The following RAD9B variants were observed in gnomAD, a reference collection of about 807,000 sequenced individuals.
RAD9B encodes RAD9 checkpoint clamp component B, also known as cell cycle checkpoint control protein RAD9B.
In RAD9B, 41 loss-of-function variants were observed where a neutral mutation model predicts 48.3. The observed-to-expected ratio is 0.85, with a 90% CI of 0.66 to 1.10. The LOEUF is 1.10. RAD9B is among the 50% of genes least tolerant of loss of function. RAD9B has a pLI of 0.00. For missense variants in RAD9B, 444 were observed against 485.1 expected (o/e 0.92, Z 0.80); for synonymous variants, 160 against 157.9 (o/e 1.01, Z -0.10).
At chr12:110,507,032 G>A (rs777311812) in intron 4 of RAD9B, among the ~76,000 whole-genome samples, 1 of 151,874 alleles carries the variant, frequency 6.6e-6, no homozygotes, top group African/African-American at 2.4e-5. Flanking sequence ...TAGAGACGGG[G>A]TTTCACCGTG....
At chr12:110,529,364 C>T (rs1195894736) in intron 10 of RAD9B, among the ~76,000 whole-genome samples, 4 of 152,046 alleles carry the variant, frequency 2.6e-5, no homozygotes, top group Admixed American at 2.0e-4. Context: ...AGGCTGGTCT[C>T]GATCTCCTGA....
chr12:110,514,980 C>A (rs2063564967), intron 5 of RAD9B, 70 bp from the exon 6 acceptor site: 2 of 886,866 alleles, frequency 2.3e-6, no homozygotes, highest in African/African-American at 1.7e-5. Context: ...AGATTTGAGT[C>A]CCAGTTAATA....
In RAD9B at chr12:110,530,495, T is replaced by C. The variant is rs781111582; in HGVS notation, c.1126-30T>C. 4 of 1,610,578 alleles carry C rather than the reference T, an allele frequency of 2.5e-6. No homozygotes were observed. In the South Asian group the frequency reaches 3.3e-5, roughly 13 times the overall value. Reference sequence around the variant, plus strand: ...TAATGAGCAAACTTTCTCTTTGGAATCAACAATGCAGTTCCTTTTTTCCCT... The same window carrying C: ...TAATGAGCAAACTTTCTCTTTGGAACCAACAATGCAGTTCCTTTTTTCCCT... On this transcript the variant is annotated intron_variant, in intron 10 of 10. Transcript: ENST00000409300.
intron 10 of RAD9B, among the ~76,000 whole-genome samples, chr12:110,526,843 A>G (rs1203776644): frequency 6.6e-6 from 1 of 150,800 alleles, no homozygotes. Context: ...CAGGAGGCGG[A>G]GCTTGCAGTG....
chr12:110,502,412 T>C, intron 1 of RAD9B, 29 bp downstream of exon 1: 1 of 1,612,102 alleles, frequency 6.2e-7, no homozygotes, highest in Non-Finnish European at 8.5e-7. Context: ...TCTTCCCATT[T>C]AGCAGAGAGA....
At chr12:110,524,308 A>G (rs1471195038) in intron 10 of RAD9B, among the ~76,000 whole-genome samples, 2 of 152,236 alleles carry the variant, frequency 1.3e-5, no homozygotes, top group Non-Finnish European at 2.9e-5. Context: ...CATGCCTGTA[A>G]TCCCAGCACT....
In RAD9B at chr12:110,531,719, G is replaced by A. The variant is rs754710718; in HGVS notation, c.*1066G>A. 7.6e-6 allele frequency: 10 copies of A among 1,318,870 alleles called. No individual in the cohort carries two copies. Among genetic ancestry groups the A allele is most frequent in the Non-Finnish European group, 1.1e-5 (10 of 949,816 alleles). The allele number at this position is 1,318,870 out of a possible 1,614,324, so 81.7% of individuals were successfully genotyped here. A position where few individuals can be genotyped will look rare whatever the true frequency, so the allele number is the denominator to read the frequency against. ...ATGTCTCTGTTCTTTGGCCCTTTAA[G>A]AGTTAGCTTTTTACCTGCACAAATG... On this transcript the variant is annotated 3_prime_UTR_variant, in exon 11 of 11. Coordinates refer to ENST00000409300, the MANE Select transcript of RAD9B (RefSeq NM_001286535.2).
rs752678719 is a variant in RAD9B, at chr12:110,505,668, T to C, written c.169T>C (p.Phe57Leu). Residue 57 changes from phenylalanine (F) to leucine (L), a missense_variant, in exon 3 of 11, where the codon TTC becomes CTC. By Grantham distance (22) the Phe-to-Leu change is conservative. Transcript: ENST00000409300. Reference sequence around the variant, plus strand: ...TCGGTCAGCATATGGATGTGTCCTGTTCTCTCCTGTGTTTTTTCAGCATTA... The same window carrying C: ...TCGGTCAGCATATGGATGTGTCCTGCTCTCTCCTGTGTTTTTTCAGCATTA... ...SSRSAYGCVL[F>L]SPVFFQHYQW... is the part of the protein sequence containing the mutation. 3.2e-5 allele frequency: 50 copies of C among 1,584,810 alleles called. No homozygotes were observed. In the South Asian group the frequency reaches 4.4e-4, roughly 14 times the overall value.
chr12:110,527,919 C>T (rs550014114), intron 10 of RAD9B, among the ~76,000 whole-genome samples: 1 of 152,046 alleles, frequency 6.6e-6, no homozygotes, highest in South Asian at 2.1e-4. Context: ...TGTGCAAAGG[C>T]CCCAGCAGGG....
At chr12:110,519,211 C>T (rs1261146231) in intron 8 of RAD9B, among the ~76,000 whole-genome samples, 1 of 152,024 alleles carries the variant, frequency 6.6e-6, no homozygotes, top group African/African-American at 2.4e-5. Flanking sequence ...TCAAGCAATT[C>T]TACTGCCTCA....
chr12:110,528,799 C>T (rs1428964060), intron 10 of RAD9B, among the ~76,000 whole-genome samples: 1 of 152,182 alleles, frequency 6.6e-6, no homozygotes, highest in African/African-American at 2.4e-5. Context: ...ACAATCTTGG[C>T]TCACTACAAC....
chr12:110,526,984 T>C (rs1383731844), intron 10 of RAD9B, among the ~76,000 whole-genome samples: 3 of 152,102 alleles, frequency 2.0e-5, no homozygotes, highest in African/African-American at 7.2e-5. Context: ...CAATGACCCT[T>C]TAACAAATTG....
At chr12:110,510,890 G>T (rs1593055021) in intron 4 of RAD9B, among the ~76,000 whole-genome samples, 1 of 152,044 alleles carries the variant, frequency 6.6e-6, no homozygotes, top group Non-Finnish European at 1.5e-5. Flanking sequence ...GGAGTTGGAG[G>T]TTGCAGTGAG....
intron 2 of RAD9B, among the ~76,000 whole-genome samples, chr12:110,504,610 G>A (rs1165380741): frequency 3.9e-5 from 6 of 152,042 alleles, no homozygotes; most frequent in South Asian, 2.1e-4. Context: ...TGGTTTCCCC[G>A]CTTAGACAAG....
intron 10 of RAD9B, among the ~76,000 whole-genome samples, chr12:110,526,457 C>T (rs571400150): frequency 2.3e-4 from 35 of 152,256 alleles, no homozygotes; most frequent in Admixed American, 1.6e-3. Context: ...TTAAAGAAAA[C>T]CTCAGCTTTC....
At position 110,531,227 on chromosome 12, in the gene RAD9B, T is replaced by C; in HGVS notation, c.*574T>C. On this transcript the variant is annotated 3_prime_UTR_variant, in exon 11 of 11. Transcript: ENST00000409300. ...TGGCTTTTTTAGACGGAGTCTCACT[T>C]TGTCACTCAGGCTCAAGTGCAGTGG... The C allele has an allele frequency of 1.2e-6, 1 of 849,644 alleles. No homozygotes were observed. 52.6% of individuals were successfully genotyped at this position (849,644 alleles called of 1,614,324 possible).
chr12:110,511,302 A>G (rs2063451167), intron 4 of RAD9B: 1 of 183,200 alleles, frequency 5.5e-6, no homozygotes, highest in Admixed American at 5.9e-5. Flanking sequence ...AGCACCATTT[A>G]TAATAGCAAA....
At chr12:110,527,728 T>A (rs964002062) in intron 10 of RAD9B, among the ~76,000 whole-genome samples, 1 of 152,208 alleles carries the variant, frequency 6.6e-6, no homozygotes, top group Non-Finnish European at 1.5e-5. Context: ...TGACTAAATA[T>A]ATAATTTTTG....
rs1565908583 is a variant in RAD9B, at chr12:110,531,537, T to C, written c.*884T>C. 1 of 1,412,672 alleles carries C rather than the reference T, an allele frequency of 7.1e-7. No homozygotes were observed. Among genetic ancestry groups the C allele is most frequent in the Non-Finnish European group, 1.0e-6 (1 of 1,002,702 alleles). The allele number at this position is 1,412,672 out of a possible 1,614,324, so 87.5% of individuals were successfully genotyped here. On this transcript the variant is annotated 3_prime_UTR_variant, in exon 11 of 11. Transcript: ENST00000409300. Reference sequence around the variant, plus strand: ...TAAAATTTTATTTCCTAACCTCAAATTGTTCTGATTTTCAGATGTGATTTT... The same window carrying C: ...TAAAATTTTATTTCCTAACCTCAAACTGTTCTGATTTTCAGATGTGATTTT...
Sources: gnomAD v4.1 joint callset for allele counts (sites outside exome capture counted in the v4.1 genomes callset) on GRCh38, gnomAD v4.1.1 for gene constraint, MANE v1.5 for transcripts, NCBI Gene and HGNC (gene_info 2026-07-23, HGNC 2026-07-21) for gene names.